The following TET3 variants were observed in gnomAD, a reference collection of about 807,000 sequenced individuals.
TET3 encodes the protein methylcytosine dioxygenase TET3.
TET3 carries 19 observed loss-of-function variants against 141.4 expected under a neutral mutation model. That is an observed-to-expected ratio of 0.13 (90% CI 0.09 to 0.20). The LOEUF (loss-of-function observed/expected upper bound fraction) is 0.20, where lower values mean the gene tolerates loss of function less well. TET3 is among the 10% of genes least tolerant of loss of function. TET3 has a pLI of 1.00. For missense variants in TET3, 1,874 were observed against 2,356.9 expected (o/e 0.80, Z 4.24); for synonymous variants, 1,043 against 980.9 (o/e 1.06, Z -1.18).
the TET3 span, among the ~76,000 whole-genome samples, chr2:74,128,992 T>TAAAAAAAAAAAAAA: frequency 4.0e-4 from 31 of 77,918 alleles, no homozygotes; most frequent in African/African-American, 1.6e-3. Flanking sequence ...TGTCTCAATT[T>TAAAAAAAAAAAAAA]AAAAAAAAAA....
chr2:74,000,259 C>T (rs757979904), intron 2 of TET3, among the ~76,000 whole-genome samples: 24 of 152,200 alleles, frequency 1.6e-4, no homozygotes, highest in Non-Finnish European at 2.9e-4. Flanking sequence ...CCCCCTGCCT[C>T]TCCACCCTCC....
rs746840184 is a variant in TET3 at position 74,047,050 on chromosome 2, C to T, written c.1133C>T (p.Pro378Leu). The change falls in exon 4 of 12, where the codon CCC becomes CTC. Residue 378 changes from proline (P) to leucine (L), a missense_variant. Coordinates refer to ENST00000409262, the MANE Select transcript of TET3 (RefSeq NM_001287491.2). Reference protein sequence around the residue: ...SALPQPSHSTPQASCPLPEAL... With the variant: ...SALPQPSHSTLQASCPLPEAL... ...CTCCCGCAGCCTTCTCATTCCACCCCCCAGGCTTCTTGCCCCCTTCCTGAG... is the reference window on the plus strand; with the variant it reads ...CTCCCGCAGCCTTCTCATTCCACCCTCCAGGCTTCTTGCCCCCTTCCTGAG... The T allele has an allele frequency of 6.2e-7, 1 of 1,614,002 alleles. No homozygotes were observed. The highest frequency in any genetic ancestry group is 1.1e-5 in the South Asian group (1 of 91,082).
At chr2:74,002,635 A>C in intron 2 of TET3, 1 of 362,870 alleles carries the variant, frequency 2.8e-6, no homozygotes, top group East Asian at 4.1e-5. Context: ...GGCCGCGGGG[A>C]TTGGCTGGCG....
rs1035353016 is a variant in TET3 at position 74,093,754 on chromosome 2, T to G, written c.3267+88T>G. The G allele has an allele frequency of 2.1e-6, 3 of 1,429,286 alleles. No homozygotes were observed. The African/African-American group carries it at 4.3e-5, about 21-fold the overall frequency. 88.5% of individuals were successfully genotyped at this position (1,429,286 alleles called of 1,614,324 possible). On this transcript the variant is annotated intron_variant, in intron 10 of 11. Transcript: ENST00000409262. The surrounding 1 kb of genome is among the most constrained non-coding windows in gnomAD (Gnocchi z 4.2). The stretch of plus-strand genomic sequence containing the variant: ...TCTTTTCAGAAAGGCAGGCTGAGGG[T>G]AGGGAGGGACCTGGAGACAGGATCC...
chr2:74,058,747 C>T (rs898733048), intron 4 of TET3, among the ~76,000 whole-genome samples: 7 of 152,076 alleles, frequency 4.6e-5, no homozygotes, highest in Non-Finnish European at 7.4e-5. Context: ...CAGAAGCCTC[C>T]GAAGTCCACC....
the TET3 span, among the ~76,000 whole-genome samples, chr2:74,123,688 G>A: frequency 1.3e-5 from 2 of 152,184 alleles, no homozygotes; most frequent in African/African-American, 4.8e-5. Flanking sequence ...CCCCGTCTGG[G>A]AAGTGAGGAG....
At chr2:74,118,708 TACATATATATAA>T in the TET3 span, among the ~76,000 whole-genome samples, 3 of 152,138 alleles carry the variant, frequency 2.0e-5, no homozygotes, top group African/African-American at 7.2e-5. Flanking sequence ...TATTTACATT[TACATATATATAA>T]ACATATATAT....
chr2:74,047,239 C>T lies in TET3; in HGVS notation c.1322C>T (p.Thr441Ile). The T allele has an allele frequency of 1.2e-6, 2 of 1,614,046 alleles. No individual in the cohort carries two copies. The highest frequency in any genetic ancestry group is 1.7e-6 in the Non-Finnish European group (2 of 1,179,904). The change falls in exon 4 of 12, where the codon ACC becomes ATC. Residue 441 changes from threonine (T) to isoleucine (I), a missense_variant. Physicochemically the swap from Thr to Ile is moderately conservative, Grantham distance 89 (BLOSUM62 -1). Coordinates refer to ENST00000409262, the MANE Select transcript of TET3 (RefSeq NM_001287491.2). ...TTCCCTGAAGCCTGGGGCACTGACA[C>T]CCCTCCAGCAACGCCCCGGAGCTCC... is the stretch of plus-strand genomic sequence containing the variant. ...TEFPEAWGTD[T>I]PPATPRSSWP...
the TET3 span, chr2:74,135,129 G>T: frequency 1.8e-5 from 4 of 219,456 alleles, no homozygotes; most frequent in Non-Finnish European, 3.7e-5. Flanking sequence ...GTCCATTTCA[G>T]AGCATAAGAA....
intron 2 of TET3, among the ~76,000 whole-genome samples, chr2:73,988,351 T>C (rs1317972642): frequency 6.6e-6 from 1 of 152,166 alleles, no homozygotes; most frequent in Non-Finnish European, 1.5e-5. Flanking sequence ...ATTATCTTAC[T>C]CGGTTCCTCC....
In TET3 at chr2:73,995,912, TCTC is replaced by T. The variant is rs535466639; in HGVS notation, c.304-7195_304-7193del. On this transcript the variant is annotated intron_variant, in intron 2 of 11. Coordinates refer to ENST00000409262, the MANE Select transcript of TET3 (RefSeq NM_001287491.2). Reference sequence around the variant, plus strand: ...CTAACCCACTGCCCAGTCCACTGCTTCTCCTTGAAGGCACGGCCATGCTTTACT... The same window carrying T: ...CTAACCCACTGCCCAGTCCACTGCTTCTTGAAGGCACGGCCATGCTTTACT... 6.6e-3 allele frequency among the ~76,000 whole-genome samples: 1,002 copies of T among 152,152 alleles called. 4 individuals carry two copies. The highest frequency in any genetic ancestry group is 0.01 in the Non-Finnish European group (703 of 67,978).
At chr2:74,008,757 G>A (rs1290709441) in intron 3 of TET3, among the ~76,000 whole-genome samples, 2 of 152,054 alleles carry the variant, frequency 1.3e-5, no homozygotes, top group South Asian at 2.1e-4. Context: ...AGGAGAGTAG[G>A]AAGGGAGGGG....
chr2:74,132,089 C>T, the TET3 span, among the ~76,000 whole-genome samples: 4 of 152,196 alleles, frequency 2.6e-5, no homozygotes, highest in African/African-American at 9.6e-5. Flanking sequence ...CTTATCTTTT[C>T]CTCCAGTCAA....
rs190968393 is a variant in TET3, at chr2:74,014,704, G to A, written c.360+11538G>A. 2.6e-5 allele frequency among the ~76,000 whole-genome samples: 4 copies of A among 152,208 alleles called. No homozygotes were observed. The East Asian group carries it at 7.7e-4, about 29-fold the overall frequency. On this transcript the variant is annotated intron_variant, in intron 3 of 11. Transcript: ENST00000409262. ...CAGAAGAAATGAAGCTATATGCTGG[G>A]GCAGTGAGAGAAAAAAAACTGAGAC...
At chr2:74,128,142 T>C in the TET3 span, among the ~76,000 whole-genome samples, 15 of 152,364 alleles carry the variant, frequency 9.8e-5, no homozygotes, top group Non-Finnish European at 1.8e-4. Flanking sequence ...CCATCCTTTT[T>C]GTGCAAAGCT....
At chr2:74,094,186 AG>A (rs1690670174) in intron 10 of TET3, among the ~76,000 whole-genome samples, 1 of 152,168 alleles carries the variant, frequency 6.6e-6, no homozygotes, top group Non-Finnish European at 1.5e-5. Context: ...TTTAGATGAG[AG>A]GCTGCTCTGA....
In TET3 at chr2:74,100,485, G is replaced by A. The variant is rs765548585; in HGVS notation, c.3697G>A (p.Gly1233Ser). The A allele has an allele frequency of 2.7e-5, 43 of 1,598,312 alleles. No individual in the cohort carries two copies. Among genetic ancestry groups the A allele is most frequent in the African/African-American group, 5.4e-5 (4 of 74,522 alleles). The change falls in exon 12 of 12, where the codon GGC becomes AGC. Residue 1233 changes from glycine to serine, a missense_variant. This residue lies in a region of TET3 where 602 missense variants were observed against 590.2 expected (regional missense o/e 1.02). Transcript: ENST00000409262. The stretch of plus-strand genomic sequence containing the variant: ...CCACTTCAGCTCCTTCAAGTACAGC[G>A]GCAACGCGGTGGTGGAGAGCTACTC... ...QNHFSSFKYS[G>S]NAVVESYSVL...
At chr2:74,096,247 G>C (rs1690819109) in intron 10 of TET3, among the ~76,000 whole-genome samples, 1 of 152,186 alleles carries the variant, frequency 6.6e-6, no homozygotes, top group Non-Finnish European at 1.5e-5. Context: ...AACCCAGAAA[G>C]TACACAGGAG....
intron 2 of TET3, among the ~76,000 whole-genome samples, chr2:73,987,413 G>C (rs1208317336): frequency 6.6e-6 from 1 of 152,210 alleles, no homozygotes; most frequent in Non-Finnish European, 1.5e-5. Flanking sequence ...GGGTGGAGGA[G>C]GGAAGGAGAT....
Sources: gnomAD v4.1 joint callset for allele counts (sites outside exome capture counted in the v4.1 genomes callset) on GRCh38, gnomAD v4.1.1 for gene constraint, gnomAD v4.1.1 regional missense constraint, Gnocchi (gnomAD v3.1) non-coding constraint, MANE v1.5 for transcripts, NCBI Gene and HGNC (gene_info 2026-07-23, HGNC 2026-07-21) for gene names.